Variants in ZBTB7C observed in about 807,000 individuals in gnomAD.
ZBTB7C encodes zinc finger and BTB domain containing 7C.
In ZBTB7C, 8 loss-of-function variants were observed where a neutral mutation model predicts 25.7. The observed-to-expected ratio is 0.31, with a 90% confidence interval of 0.18 to 0.56. The LOEUF (loss-of-function observed/expected upper bound fraction) is 0.56. Among genes scored for constraint, ZBTB7C ranks in the 20% least tolerant of loss-of-function variants. ZBTB7C has a pLI of 0.91. For missense variants in ZBTB7C, 824 were observed against 855.2 expected, an observed-to-expected ratio of 0.96 and a Z score of 0.46; for synonymous variants, 394 against 369.0, an observed-to-expected ratio of 1.07 and a Z score of -0.78.
intron 2 of ZBTB7C, among the ~76,000 whole-genome samples, chr18:48,322,134 C>T (rs1035851881): frequency 2.0e-5 from 3 of 152,220 alleles, no homozygotes; most frequent in Admixed American, 2.0e-4. Flanking sequence ...TCCTGCCCCT[C>T]CTTAGAGACG....
At chr18:48,221,537 C>T (rs555599297) in intron 2 of ZBTB7C, among the ~76,000 whole-genome samples, 61 of 149,692 alleles carry the variant, frequency 4.1e-4, no homozygotes, top group African/African-American at 1.5e-3. Flanking sequence ...CACCTAGTCT[C>T]CTCTACACTG....
chr18:48,337,415 C>G (rs573754592), intron 2 of ZBTB7C, among the ~76,000 whole-genome samples: 1 of 152,352 alleles, frequency 6.6e-6, no homozygotes, highest in East Asian at 1.9e-4. Flanking sequence ...CAGAACCCAC[C>G]TTTGGGGTCT....
chr18:48,180,598 G>T, intron 3 of ZBTB7C: 1 of 307,362 alleles, frequency 3.3e-6, no homozygotes, highest in South Asian at 2.7e-5. Context: ...GTAGGGTGAT[G>T]GGGGGGTGGG....
intron 2 of ZBTB7C, among the ~76,000 whole-genome samples, chr18:48,256,868 T>C (rs1440627806): frequency 6.6e-6 from 1 of 151,210 alleles, no homozygotes; most frequent in Non-Finnish European, 1.5e-5. Flanking sequence ...ATATAGGAAA[T>C]ACAGGTAGTT....
chr18:48,188,661 C>T (rs1214025242), intron 2 of ZBTB7C, among the ~76,000 whole-genome samples: 1 of 152,106 alleles, frequency 6.6e-6, no homozygotes, highest in Non-Finnish European at 1.5e-5. Context: ...TCTCCTATTC[C>T]CACCTCTTGA....
chr18:48,329,330 G>C (rs2046293806), intron 2 of ZBTB7C, among the ~76,000 whole-genome samples: 1 of 152,166 alleles, frequency 6.6e-6, no homozygotes, highest in African/African-American at 2.4e-5. Flanking sequence ...CCCTGTTGCT[G>C]GTACTTTTTA....
intron 1 of ZBTB7C, among the ~76,000 whole-genome samples, chr18:48,402,263 G>GT (rs1041191049): frequency 4.3e-5 from 6 of 138,800 alleles, no homozygotes; most frequent in East Asian, 2.0e-4. Context: ...TTATTTTTAG[G>GT]TAAAAAAAAA....
At chr18:48,291,495 C>T (rs1338187979) in intron 2 of ZBTB7C, among the ~76,000 whole-genome samples, 3 of 152,120 alleles carry the variant, frequency 2.0e-5, no homozygotes, top group Non-Finnish European at 1.5e-5. Flanking sequence ...AAAGGAGAAA[C>T]CTACCTGAGA....
intron 2 of ZBTB7C, among the ~76,000 whole-genome samples, chr18:48,327,067 C>G (rs2046236609): frequency 6.6e-6 from 1 of 152,194 alleles, no homozygotes; most frequent in South Asian, 2.1e-4. Context: ...TCACCAGCCT[C>G]TGGCCTGGAG....
At chr18:48,406,470 C>T (rs2048285489) in intron 1 of ZBTB7C, among the ~76,000 whole-genome samples, 2 of 152,180 alleles carry the variant, frequency 1.3e-5, no homozygotes, top group African/African-American at 4.8e-5. Context: ...CTCAGTTTCT[C>T]CCTCTGTAAT....
chr18:48,406,004 C>A (rs751464988), intron 1 of ZBTB7C, among the ~76,000 whole-genome samples: 1 of 152,114 alleles, frequency 6.6e-6, no homozygotes, highest in Non-Finnish European at 1.5e-5. Flanking sequence ...GGTTTTCTTC[C>A]AGTGGGACAC....
intron 2 of ZBTB7C, among the ~76,000 whole-genome samples, chr18:48,213,993 C>T (rs981515883): frequency 1.3e-5 from 2 of 152,210 alleles, no homozygotes; most frequent in Non-Finnish European, 2.9e-5. Flanking sequence ...ACGCATCAGC[C>T]TGCCTTGCGG....
chr18:48,047,503 G>A (rs915041971), intron 3 of ZBTB7C, among the ~76,000 whole-genome samples: 8 of 152,162 alleles, frequency 5.3e-5, no homozygotes, highest in Non-Finnish European at 1.2e-4. Flanking sequence ...CTCAGAAATG[G>A]AAGAAAGAGG....
chr18:48,176,145 A>T (rs897098614), intron 3 of ZBTB7C, among the ~76,000 whole-genome samples: 2 of 152,210 alleles, frequency 1.3e-5, no homozygotes, highest in South Asian at 4.1e-4. Flanking sequence ...AACATCACCA[A>T]TGAGGGCCTC....
At chr18:48,332,464 G>A (rs751525764) in intron 2 of ZBTB7C, among the ~76,000 whole-genome samples, 17 of 152,106 alleles carry the variant, frequency 1.1e-4, no homozygotes, top group South Asian at 8.3e-4. Context: ...TTTGGATGGC[G>A]GGAGGCACAT....
At chr18:48,377,918 T>C (rs1263708553) in intron 1 of ZBTB7C, among the ~76,000 whole-genome samples, 1 of 152,168 alleles carries the variant, frequency 6.6e-6, no homozygotes, top group Non-Finnish European at 1.5e-5. Context: ...ACGCCTGTAA[T>C]CCCAAAACTT....
intron 1 of ZBTB7C, among the ~76,000 whole-genome samples, chr18:48,366,620 A>C (rs1246535644): frequency 6.6e-6 from 1 of 152,234 alleles, no homozygotes; most frequent in Non-Finnish European, 1.5e-5. Flanking sequence ...GCAACCCAAA[A>C]GGGAAATGTA....
intron 1 of ZBTB7C, among the ~76,000 whole-genome samples, chr18:48,349,128 C>T (rs2046806659): frequency 6.6e-6 from 1 of 152,194 alleles, no homozygotes. Context: ...TGGTGGCTGG[C>T]AGGACCTATT....
At chr18:48,380,529 G>A (rs987337367) in intron 1 of ZBTB7C, among the ~76,000 whole-genome samples, 5 of 152,178 alleles carry the variant, frequency 3.3e-5, no homozygotes, top group African/African-American at 1.2e-4. Context: ...CATATGTACA[G>A]TGGTTAGTAC....
Sources: allele counts gnomAD v4.1 joint callset (sites outside exome capture counted in the v4.1 genomes callset), GRCh38; gene constraint gnomAD v4.1.1; transcripts MANE v1.5; gene names NCBI Gene and HGNC (gene_info 2026-07-23, HGNC 2026-07-21).